The following ZRANB1 variants were observed in gnomAD, a reference collection of about 807,000 sequenced individuals.
ZRANB1 encodes the protein ubiquitin thioesterase ZRANB1.
In ZRANB1, 16 loss-of-function variants were observed where a neutral mutation model predicts 80.5. That is an observed-to-expected ratio of 0.20 (90% confidence interval 0.13 to 0.30). ZRANB1 has a LOEUF of 0.30. ZRANB1 is among the 10% of genes least tolerant of loss of function. The probability of loss-of-function intolerance (pLI) is 1.00; values close to 1 mark genes in which losing one functional copy is unlikely to be tolerated. For missense variants in ZRANB1, 576 were observed against 862.6 expected, an observed-to-expected ratio of 0.67 and a Z score of 4.16; for synonymous variants, 291 against 293.1, an observed-to-expected ratio of 0.99 and a Z score of 0.07.
At chr10:124,984,404 C>A in intron 8 of ZRANB1, 1 of 185,176 alleles carries the variant, frequency 5.4e-6, no homozygotes, top group Non-Finnish European at 1.1e-5. Context: ...AGTTCATAGA[C>A]CGTAACTTGT....
At chr10:124,933,074 TCA>T in the ZRANB1 span, among the ~76,000 whole-genome samples, 2 of 152,132 alleles carry the variant, frequency 1.3e-5, no homozygotes, top group Non-Finnish European at 2.9e-5. Context: ...ACAGTGTCTT[TCA>T]CAGAGCAGAA....
chr10:124,944,925 A>C (rs1226524517), intron 1 of ZRANB1, among the ~76,000 whole-genome samples: 1 of 152,038 alleles, frequency 6.6e-6, no homozygotes, highest in Non-Finnish European at 1.5e-5. Context: ...CCTGAGGATG[A>C]GGGGATGAAA....
rs57697692 is a variant in ZRANB1, at chr10:124,945,409, A to ATTTTTTTTTTTTTT, written c.814+2114_814+2127dup. Reference sequence around the variant, plus strand: ...ATGCCTTTGGAACAGTCTTAAAATCATTTTTTTTTTTTTTTTTTTTTTTTT... The same window carrying ATTTTTTTTTTTTTT: ...ATGCCTTTGGAACAGTCTTAAAATCATTTTTTTTTTTTTTTTTTTTTTTTTTTTTTTTTTTTTTT... On this transcript the variant is annotated intron_variant, in intron 1 of 8. Coordinates refer to ENST00000359653, the MANE Select transcript of ZRANB1 (RefSeq NM_017580.3). 5 of 123,534 alleles carry ATTTTTTTTTTTTTT rather than the reference A, an allele frequency of 4.0e-5. 1 individual carries two copies. Among genetic ancestry groups the ATTTTTTTTTTTTTT allele is most frequent in the Admixed American group, 1.7e-4 (2 of 11,468 alleles). The allele number at this position is 123,534 out of a possible 1,614,324, so 7.7% of individuals were successfully genotyped here.
chr10:124,936,189 C>G, the ZRANB1 span, among the ~76,000 whole-genome samples: 973 of 152,040 alleles, frequency 6.4e-3, 5 homozygotes, highest in African/African-American at 0.022. Context: ...GTGTTTGTGA[C>G]AGGAAGGAGT....
At chr10:124,948,258 TTTCTC>T (rs755290287) in intron 1 of ZRANB1, among the ~76,000 whole-genome samples, 10 of 152,220 alleles carry the variant, frequency 6.6e-5, no homozygotes, top group Non-Finnish European at 1.3e-4. Flanking sequence ...AACATTTTCT[TTTCTC>T]TAATGTATTA....
intron 5 of ZRANB1, among the ~76,000 whole-genome samples, chr10:124,980,243 G>C (rs945389732): frequency 2.0e-5 from 3 of 152,178 alleles, no homozygotes; most frequent in African/African-American, 7.2e-5. Context: ...GATTTGGTTT[G>C]CTTGTCTGTT....
chr10:124,930,272 G>A, the ZRANB1 span, among the ~76,000 whole-genome samples: 7 of 152,024 alleles, frequency 4.6e-5, no homozygotes, highest in African/African-American at 1.7e-4. Context: ...CTTTCCTTCT[G>A]TCTTTCTTTC....
chr10:124,967,784 T>C (rs1228723579), intron 2 of ZRANB1, among the ~76,000 whole-genome samples: 2 of 152,162 alleles, frequency 1.3e-5, no homozygotes, highest in African/African-American at 4.8e-5. Context: ...GAAGATACAG[T>C]GTGGATGTAA....
chr10:124,941,428 A>C (rs1951535689), upstream of ZRANB1, among the ~76,000 whole-genome samples: 1 of 152,160 alleles, frequency 6.6e-6, no homozygotes, highest in Non-Finnish European at 1.5e-5. Flanking sequence ...ATCTTAGCTC[A>C]CTGCAACCTC....
In ZRANB1 at chr10:124,977,503, A is replaced by C. The variant is rs539565700; in HGVS notation, c.1427+3105A>C. The stretch of plus-strand genomic sequence containing the variant: ...TGTGGGCAGATCTCTTGAGCCTAGG[A>C]GTTCAAGACAAGCCTTGGCAACATA... On this transcript the variant is annotated intron_variant, in intron 5 of 8. Coordinates refer to ENST00000359653, the MANE Select transcript of ZRANB1 (RefSeq NM_017580.3). Among the ~76,000 whole-genome samples the C allele has an allele frequency of 3.3e-5, 5 of 151,902 alleles. No individual in the cohort carries two copies. In the South Asian group the frequency reaches 1.0e-3, roughly 32 times the overall value.
At chr10:124,981,562 A>G (rs1470062450) in intron 5 of ZRANB1, 147 bp from the exon 6 acceptor site, 1 of 736,770 alleles carries the variant, frequency 1.4e-6, no homozygotes, top group African/African-American at 1.9e-5. Context: ...TTTTCATTAG[A>G]AAAATACATT....
chr10:124,937,822 C>CAG (rs1951501779), upstream of ZRANB1, among the ~76,000 whole-genome samples: 1 of 152,172 alleles, frequency 6.6e-6, no homozygotes, highest in Non-Finnish European at 1.5e-5. Flanking sequence ...ATTCTACAGG[C>CAG]AGAGCTTGAT....
In ZRANB1 at chr10:124,973,068, T is replaced by C. The variant is rs148260578; in HGVS notation, c.1157-577T>C. On this transcript the variant is annotated intron_variant, in intron 3 of 8. Transcript: ENST00000359653. The stretch of plus-strand genomic sequence containing the variant: ...TGTAGGAGATAGTAACTAAGTTTTC[T>C]GAAACTGGAGGAAGTTTCATTTGAA... Among the ~76,000 whole-genome samples the C allele has an allele frequency of 1.1e-3, 162 of 152,378 alleles. 4 individuals carry two copies. The East Asian group carries it at 0.023, about 21-fold the overall frequency.
chr10:124,928,309 C>T, the ZRANB1 span, among the ~76,000 whole-genome samples: 1 of 152,118 alleles, frequency 6.6e-6, no homozygotes, highest in Non-Finnish European at 1.5e-5. Context: ...GTTGGAAAGG[C>T]ACTCTTAGCA....
chr10:124,932,947 C>T, the ZRANB1 span, among the ~76,000 whole-genome samples: 4 of 152,060 alleles, frequency 2.6e-5, no homozygotes, highest in Non-Finnish European at 1.5e-5. Flanking sequence ...ATCTTTTGCC[C>T]ATTTTTCAGT....
intron 5 of ZRANB1, among the ~76,000 whole-genome samples, chr10:124,979,100 A>G (rs912997313): frequency 6.6e-6 from 1 of 152,182 alleles, no homozygotes; most frequent in Non-Finnish European, 1.5e-5. Context: ...AAAAAGACAA[A>G]TGATAACAGT....
chr10:124,940,757 C>G (rs564782988), upstream of ZRANB1, among the ~76,000 whole-genome samples: 1 of 151,898 alleles, frequency 6.6e-6, no homozygotes, highest in Admixed American at 6.6e-5. Context: ...GGGTGGATCA[C>G]GAGGTCAGGA....
the ZRANB1 span, among the ~76,000 whole-genome samples, chr10:124,922,319 A>AATATATAT: frequency 0.024 from 417 of 17,226 alleles, 8 homozygotes; most frequent in East Asian, 0.069. Context: ...ATATATGTAA[A>AATATATAT]ATATATGTAT....
chr10:124,973,541 A>G (rs568402149), intron 3 of ZRANB1, 104 bp from the exon 4 acceptor site: 43 of 953,042 alleles, frequency 4.5e-5, no homozygotes, highest in Non-Finnish European at 6.9e-5. Flanking sequence ...AAAGGGAGTT[A>G]TTTTAGAGAA....
Sources: gnomAD v4.1 joint callset for allele counts (sites outside exome capture counted in the v4.1 genomes callset) on GRCh38, gnomAD v4.1.1 for gene constraint, MANE v1.5 for transcripts, NCBI Gene and HGNC (gene_info 2026-07-23, HGNC 2026-07-21) for gene names.